The following GALNT17 variants were observed in gnomAD, a reference collection of about 807,000 sequenced individuals.
The protein encoded by GALNT17 is UDP-GalNAc:polypeptide N-acetylgalactosaminyltransferase-like 3.
A neutral mutation model predicts 63.7 loss-of-function variants in GALNT17; 29 were observed. The ratio of observed to expected loss-of-function variants is 0.46; its 90% CI spans 0.34 to 0.62. The LOEUF is 0.62. Ranked by LOEUF, GALNT17 falls within the 20% of genes least tolerant of loss-of-function variation. The probability of loss-of-function intolerance (pLI) is 0.01; values close to 1 mark genes in which losing one functional copy is unlikely to be tolerated. For missense variants in GALNT17, 603 were observed against 799.6 expected (o/e 0.75, Z 2.97); for synonymous variants, 305 against 318.3 (o/e 0.96, Z 0.45).
rs143221574 is a variant in GALNT17 at position 71,445,989 on chromosome 7, G to A, written c.962+24884G>A. On this transcript the variant is annotated intron_variant, in intron 5 of 10. Transcript: ENST00000333538. Reference sequence around the variant, plus strand: ...AAAAAATCCCCTAAATCTTGTAGTCGTTTCTGAGAAACGGGAATATTTTCT... The same window carrying A: ...AAAAAATCCCCTAAATCTTGTAGTCATTTCTGAGAAACGGGAATATTTTCT... Among the ~76,000 whole-genome samples, 165 of 152,320 alleles carry A rather than the reference G, an allele frequency of 1.1e-3. 1 individual carries two copies. Among genetic ancestry groups the A allele is most frequent in the African/African-American group, 3.5e-3 (146 of 41,580 alleles).
chr7:71,166,632 C>T (rs1195730309), intron 1 of GALNT17, among the ~76,000 whole-genome samples: 3 of 152,190 alleles, frequency 2.0e-5, no homozygotes, highest in African/African-American at 7.2e-5. Flanking sequence ...TGTCTGACTT[C>T]TTTCACTCTG....
chr7:71,155,585 A>T (rs1326633971), intron 1 of GALNT17, among the ~76,000 whole-genome samples: 7 of 151,472 alleles, frequency 4.6e-5, no homozygotes, highest in African/African-American at 1.7e-4. Context: ...TTCTTTTTTT[A>T]AAATTCTTTT....
At chr7:71,181,039 G>T (rs1372722653) in intron 1 of GALNT17, among the ~76,000 whole-genome samples, 1 of 152,140 alleles carries the variant, frequency 6.6e-6, no homozygotes, top group Non-Finnish European at 1.5e-5. Context: ...CGGATCACTT[G>T]AGGCCAGGAG....
Position 71,511,639 on chromosome 7 carries a change from A to G in GALNT17, c.963-59646A>G, listed in dbSNP as rs143018182. On this transcript the variant is annotated intron_variant, in intron 5 of 10. Coordinates refer to ENST00000333538, the MANE Select transcript of GALNT17 (RefSeq NM_022479.3). ...TGCTAGCCTAAGTATCACTTTATGCAAATTAGGCAAAAGTACCCTTTTTGA... is the reference window on the plus strand; with the variant it reads ...TGCTAGCCTAAGTATCACTTTATGCGAATTAGGCAAAAGTACCCTTTTTGA... Among the ~76,000 whole-genome samples, 8 of 152,218 alleles carry G rather than the reference A, an allele frequency of 5.3e-5. No homozygotes were observed. In the East Asian group the frequency reaches 1.5e-3, roughly 29 times the overall value.
At chr7:71,387,195 G>T (rs1680525253) in intron 2 of GALNT17, among the ~76,000 whole-genome samples, 1 of 143,726 alleles carries the variant, frequency 7.0e-6, no homozygotes, top group African/African-American at 2.5e-5. Flanking sequence ...TATTAGGTTG[G>T]TGCAAAAGTA....
intron 5 of GALNT17, among the ~76,000 whole-genome samples, chr7:71,478,606 G>A (rs991009264): frequency 2.6e-5 from 4 of 152,146 alleles, no homozygotes; most frequent in African/African-American, 7.2e-5. Flanking sequence ...GTGAGCCACC[G>A]CACCCAGCCT....
At chr7:71,249,563 G>A (rs1405872467) in intron 1 of GALNT17, among the ~76,000 whole-genome samples, 1 of 152,130 alleles carries the variant, frequency 6.6e-6, no homozygotes, top group Non-Finnish European at 1.5e-5. Flanking sequence ...AATAGCATAG[G>A]AAACCTTTTT....
intron 9 of GALNT17, among the ~76,000 whole-genome samples, chr7:71,694,352 T>C (rs1791507926): frequency 8.1e-6 from 1 of 123,072 alleles, no homozygotes; most frequent in South Asian, 2.8e-4. Flanking sequence ...AATCTATAAT[T>C]ATCCCAATTT....
intron 2 of GALNT17, among the ~76,000 whole-genome samples, chr7:71,378,985 G>T (rs953750775): frequency 6.6e-6 from 1 of 152,122 alleles, no homozygotes; most frequent in Admixed American, 6.6e-5. Flanking sequence ...CTGGGCGACA[G>T]AGCAAAACCC....
chr7:71,186,211 A>G (rs1788848214), intron 1 of GALNT17, among the ~76,000 whole-genome samples: 1 of 152,138 alleles, frequency 6.6e-6, no homozygotes, highest in South Asian at 2.1e-4. Flanking sequence ...ATTTCCTTAT[A>G]TTATTTCAAG....
intron 1 of GALNT17, among the ~76,000 whole-genome samples, chr7:71,242,301 AC>A (rs1396866317): frequency 1.7e-5 from 2 of 119,260 alleles, no homozygotes; most frequent in African/African-American, 6.7e-5. Flanking sequence ...ACAGAGTCTC[AC>A]TCTGTCGCCC....
intron 2 of GALNT17, among the ~76,000 whole-genome samples, chr7:71,385,643 A>G (rs1311965046): frequency 8.5e-5 from 13 of 152,130 alleles, no homozygotes; most frequent in Admixed American, 8.5e-4. Flanking sequence ...TCCCCCTTGA[A>G]GGGAAATCAA....
intron 1 of GALNT17, among the ~76,000 whole-genome samples, chr7:71,177,160 G>A (rs528412064): frequency 3.8e-4 from 58 of 152,210 alleles, no homozygotes; most frequent in African/African-American, 1.3e-3. Flanking sequence ...GTCCTCATAT[G>A]TTCGAGGACA....
At chr7:71,324,307 G>C (rs1016630122) in intron 1 of GALNT17, among the ~76,000 whole-genome samples, 9 of 152,116 alleles carry the variant, frequency 5.9e-5, no homozygotes, top group African/African-American at 2.2e-4. Flanking sequence ...GCATCTGGGT[G>C]GTGGCAGAAG....
chr7:71,133,682 G>C (rs1044172376), intron 1 of GALNT17, among the ~76,000 whole-genome samples: 2 of 152,176 alleles, frequency 1.3e-5, no homozygotes, highest in African/African-American at 4.8e-5. Flanking sequence ...ATGTAGCACA[G>C]AGAGATGTGG....
intron 5 of GALNT17, among the ~76,000 whole-genome samples, chr7:71,487,054 C>T (rs1397244079): frequency 6.6e-6 from 1 of 152,164 alleles, no homozygotes; most frequent in African/African-American, 2.4e-5. Context: ...TTCAGCAACC[C>T]TGCCTGATTC....
At chr7:71,541,196 A>G (rs1442350658) in intron 5 of GALNT17, among the ~76,000 whole-genome samples, 1 of 151,734 alleles carries the variant, frequency 6.6e-6, no homozygotes, top group East Asian at 1.9e-4. Context: ...GTGAGCAGAG[A>G]TCGTGCCACT....
intron 1 of GALNT17, among the ~76,000 whole-genome samples, chr7:71,276,586 G>A (rs564388044): frequency 1.3e-5 from 2 of 152,126 alleles, no homozygotes; most frequent in African/African-American, 2.4e-5. Context: ...CCCTGCACAT[G>A]TCCTCTTGCC....
At chr7:71,150,977 CAA>C (rs34934868) in intron 1 of GALNT17, among the ~76,000 whole-genome samples, 4,766 of 102,990 alleles carry the variant, frequency 0.046, 95 homozygotes, top group Non-Finnish European at 0.051. Flanking sequence ...ACCCTGACTT[CAA>C]AAAAAAAAAA....
Sources: gnomAD v4.1 joint callset for allele counts (sites outside exome capture counted in the v4.1 genomes callset) on GRCh38, gnomAD v4.1.1 for gene constraint, MANE v1.5 for transcripts, NCBI Gene and HGNC (gene_info 2026-07-23, HGNC 2026-07-21) for gene names.